Variants in PPP6R3 observed in about 807,000 individuals in gnomAD.
The protein encoded by PPP6R3 is serine/threonine-protein phosphatase 6 regulatory subunit 3.
In PPP6R3, 38 loss-of-function variants were observed where a neutral mutation model predicts 110.7. The ratio of observed to expected loss-of-function variants is 0.34; its 90% CI spans 0.26 to 0.45. The LOEUF is 0.45. PPP6R3 is among the 20% of genes least tolerant of loss of function. The pLI is 1.00. For missense variants in PPP6R3, 870 were observed against 1,062.4 expected (o/e 0.82, Z 2.52); for synonymous variants, 369 against 373.5 (o/e 0.99, Z 0.14).
At chr11:68,589,455 C>T (rs1232207244) in intron 16 of PPP6R3, among the ~76,000 whole-genome samples, 1 of 151,940 alleles carries the variant, frequency 6.6e-6, no homozygotes, top group South Asian at 2.1e-4. Context: ...ACAGAATTAA[C>T]GAGTAGAAAA....
intron 3 of PPP6R3, among the ~76,000 whole-genome samples, chr11:68,538,676 A>G (rs1220651750): frequency 6.6e-6 from 1 of 152,086 alleles, no homozygotes; most frequent in Non-Finnish European, 1.5e-5. Flanking sequence ...CGTCTTGGGG[A>G]GAAATGTGCT....
chr11:68,611,577 C>T (rs1943414775), intron 23 of PPP6R3, among the ~76,000 whole-genome samples: 2 of 152,066 alleles, frequency 1.3e-5, no homozygotes, highest in Admixed American at 6.6e-5. Context: ...TCCTTCTTTC[C>T]TCTGACACAC....
intron 1 of PPP6R3, among the ~76,000 whole-genome samples, chr11:68,494,254 G>A (rs1375992411): frequency 2.0e-5 from 3 of 148,788 alleles, no homozygotes; most frequent in African/African-American, 4.9e-5. Context: ...GGCCGGGCAC[G>A]GTGGCTCACG....
intron 3 of PPP6R3, among the ~76,000 whole-genome samples, chr11:68,540,577 G>T (rs1483184411): frequency 1.3e-5 from 2 of 152,106 alleles, no homozygotes; most frequent in African/African-American, 2.4e-5. Context: ...AGATCAACCC[G>T]TCTGACCAAA....
At chr11:68,525,830 A>G (rs1223155791) in intron 2 of PPP6R3, among the ~76,000 whole-genome samples, 2 of 152,190 alleles carry the variant, frequency 1.3e-5, no homozygotes, top group Admixed American at 1.3e-4. Flanking sequence ...TCTGTAAGAT[A>G]TTTGAATAAT....
rs1233928026 is a variant in PPP6R3 at position 68,478,651 on chromosome 11, T to TTTTTTTTTG, written c.-158+17832_-158+17833insGTTTTTTTT. Among the ~76,000 whole-genome samples the TTTTTTTTTG allele has an allele frequency of 3.8e-5, 4 of 106,508 alleles. 1 individual carries two copies. Among genetic ancestry groups the TTTTTTTTTG allele is most frequent in the Middle Eastern group, 3.8e-3 (1 of 264 alleles). The allele number at this position is 106,508 out of a possible 152,430, so 69.9% of individuals were successfully genotyped here. A position where few individuals can be genotyped will look rare whatever the true frequency, so the allele number is the denominator to read the frequency against. On this transcript the variant is annotated intron_variant, in intron 1 of 23. Transcript: ENST00000393800. ...ATGAGTTAGTGCACTTGGTAAGTTT[T>TTTTTTTTTG]TTTTTTTTTTTTTTTTTTTTTGAGA...
chr11:68,600,560 G>T lies in PPP6R3; in HGVS notation c.2192+66G>T, dbSNP rs545825268. The T allele has an allele frequency of 9.5e-5, 145 of 1,531,024 alleles. 2 individuals carry two copies. The African/African-American group carries it at 1.8e-3, about 19-fold the overall frequency. The allele number at this position is 1,531,024 out of a possible 1,614,324, so 94.8% of individuals were successfully genotyped here. A position where few individuals can be genotyped will look rare whatever the true frequency, so the allele number is the denominator to read the frequency against. On this transcript the variant is annotated intron_variant, in intron 20 of 23. Coordinates refer to ENST00000393800, the MANE Select transcript of PPP6R3 (RefSeq NM_001164161.2). ...ACCTGGGAATGGTCAGGTGTTTGCT[G>T]TTAACGTGTGTTCTTCACCTTGACT... is the stretch of plus-strand genomic sequence containing the variant.
At chr11:68,482,139 A>C (rs2098917942) in intron 1 of PPP6R3, among the ~76,000 whole-genome samples, 1 of 148,184 alleles carries the variant, frequency 6.7e-6, no homozygotes, top group Non-Finnish European at 1.5e-5. Flanking sequence ...AGCATTTATC[A>C]CTTTGGGAGG....
In PPP6R3 at chr11:68,506,358, A is replaced by G. The variant is rs2099076316; in HGVS notation, c.-157-13143A>G. On this transcript the variant is annotated intron_variant, in intron 1 of 23. Transcript: ENST00000393800. Reference sequence around the variant, plus strand: ...TGGCCTCAAGTGATCTTCCTGTTTCAGTCCCCAAGGTGTTGGGATTATGGG... The same window carrying G: ...TGGCCTCAAGTGATCTTCCTGTTTCGGTCCCCAAGGTGTTGGGATTATGGG... 2.3e-5 allele frequency among the ~76,000 whole-genome samples: 3 copies of G among 130,654 alleles called. No individual in the cohort carries two copies. The Admixed American group carries it at 2.8e-4, about 12-fold the overall frequency. 85.7% of individuals were successfully genotyped at this position (130,654 alleles called of 152,430 possible).
chr11:68,549,247 G>A (rs7927225), intron 5 of PPP6R3, among the ~76,000 whole-genome samples: 1 of 152,112 alleles, frequency 6.6e-6, no homozygotes, highest in Non-Finnish European at 1.5e-5. Context: ...CAGTCTATCC[G>A]TCTTTAATAC....
intron 8 of PPP6R3, among the ~76,000 whole-genome samples, chr11:68,562,976 T>C (rs930591159): frequency 7.2e-5 from 11 of 152,002 alleles, no homozygotes; most frequent in African/African-American, 2.7e-4. Flanking sequence ...CCAGAAAATA[T>C]TGATAACGTG....
At chr11:68,511,040 A>G (rs1440201177) in intron 1 of PPP6R3, among the ~76,000 whole-genome samples, 2 of 150,160 alleles carry the variant, frequency 1.3e-5, no homozygotes, top group Non-Finnish European at 1.5e-5. Flanking sequence ...TTTCATTACA[A>G]CCACGTATAC....
chr11:68,477,346 A>G (rs2098839677), intron 1 of PPP6R3, among the ~76,000 whole-genome samples: 1 of 152,100 alleles, frequency 6.6e-6, no homozygotes, highest in African/African-American at 2.4e-5. Flanking sequence ...ACATAACCCC[A>G]TTGTAAGTTG....
rs993064020 is a variant in PPP6R3 at position 68,460,760 on chromosome 11, C to T, written c.-225C>T. On this transcript the variant is annotated 5_prime_UTR_variant, in exon 1 of 24. Transcript: ENST00000393800. The stretch of plus-strand genomic sequence containing the variant: ...GATACGTCCGCCATTTTGGGCGCTT[C>T]GCTGATGGTGTCGGTGAGCGCGTTT... The T allele has an allele frequency of 1.3e-5, 2 of 151,924 alleles. No individual in the cohort carries two copies. Among genetic ancestry groups the T allele is most frequent in the Admixed American group, 6.6e-5 (1 of 15,260 alleles). 9.4% of individuals were successfully genotyped at this position (151,924 alleles called of 1,614,324 possible). A position where few individuals can be genotyped will look rare whatever the true frequency, so the allele number is the denominator to read the frequency against.
chr11:68,554,710 G>C (rs2099392802), intron 7 of PPP6R3, among the ~76,000 whole-genome samples: 1 of 152,128 alleles, frequency 6.6e-6, no homozygotes, highest in African/African-American at 2.4e-5. Context: ...TTGGGGATGG[G>C]GTGCTGTTTT....
chr11:68,522,602 A>G (rs1304970481), intron 2 of PPP6R3: 6 of 152,248 alleles, frequency 3.9e-5, no homozygotes, highest in African/African-American at 7.2e-5. Flanking sequence ...GAGTGCATGA[A>G]GTTTACTGTT....
Position 68,609,978 on chromosome 11 carries a change from CGAAGTG to C in PPP6R3, c.2526_2531del (p.Lys843_Cys844del). 6.2e-7 allele frequency: 1 copy of C among 1,614,100 alleles called. No individual in the cohort carries two copies. The highest frequency in any genetic ancestry group is 8.5e-7 in the Non-Finnish European group (1 of 1,180,036). ...GAGGAGTGTCCCGAGACTGCAGAGG[CGAAGTG>C]CGCGGCGCCCAGGCCTCCCAGCAGC... On this transcript the variant is annotated inframe_deletion, in exon 23 of 24. Transcript: ENST00000393800.
At chr11:68,610,145 C>T (rs935668076) in intron 23 of PPP6R3, 122 bp downstream of exon 23, 6 of 1,346,412 alleles carry the variant, frequency 4.5e-6, no homozygotes, top group Non-Finnish European at 5.0e-6. Flanking sequence ...GGCCGCTGAC[C>T]TGGCAGGACA....
chr11:68,547,327 G>A (rs774969200), intron 4 of PPP6R3, among the ~76,000 whole-genome samples: 45 of 152,206 alleles, frequency 3.0e-4, no homozygotes, highest in Non-Finnish European at 6.3e-4. Context: ...CCTGGGACTC[G>A]CAGAGGGTTT....
Sources: gnomAD v4.1 joint callset for allele counts (sites outside exome capture counted in the v4.1 genomes callset) on GRCh38, gnomAD v4.1.1 for gene constraint, MANE v1.5 for transcripts, NCBI Gene and HGNC (gene_info 2026-07-23, HGNC 2026-07-21) for gene names.